Variants in DHX57 observed in about 807,000 individuals in gnomAD.
DHX57 encodes the protein putative ATP-dependent RNA helicase DHX57.
A neutral mutation model predicts 156.2 loss-of-function variants in DHX57; 105 were observed. The ratio of observed to expected loss-of-function variants is 0.67; its 90% CI spans 0.57 to 0.79. The LOEUF is 0.79. Ranked by LOEUF, DHX57 falls within the 30% of genes least tolerant of loss-of-function variation. The pLI is 0.00. For missense variants in DHX57, 1,847 were observed against 1,661.9 expected, an observed-to-expected ratio of 1.11 and a Z score of -1.94; for synonymous variants, 704 against 595.6, an observed-to-expected ratio of 1.18 and a Z score of -2.65.
chr2:38,812,803 G>T (rs1016172470), intron 21 of DHX57, among the ~76,000 whole-genome samples: 2 of 152,140 alleles, frequency 1.3e-5, no homozygotes, highest in African/African-American at 4.8e-5. Context: ...AAAGTGCTTG[G>T]ATTACAGGCG....
intron 14 of DHX57, among the ~76,000 whole-genome samples, chr2:38,827,607 A>G (rs1469442672): frequency 1.3e-5 from 2 of 149,380 alleles, no homozygotes; most frequent in African/African-American, 4.9e-5. Context: ...AGGCAATGAC[A>G]ATGATGTAAC....
At chr2:38,813,121 C>T (rs1020651313) in intron 21 of DHX57, among the ~76,000 whole-genome samples, 1 of 152,150 alleles carries the variant, frequency 6.6e-6, no homozygotes. Context: ...GTTGGGATTA[C>T]AGGCGTGAGC....
chr2:38,838,371 G>T (rs556849479), intron 12 of DHX57, among the ~76,000 whole-genome samples: 2 of 152,266 alleles, frequency 1.3e-5, no homozygotes, highest in Admixed American at 1.3e-4. Context: ...AAAGTGCTGG[G>T]ATTACAGCCA....
chr2:38,807,113 G>A (rs1258721296), intron 21 of DHX57, among the ~76,000 whole-genome samples: 1 of 151,290 alleles, frequency 6.6e-6, no homozygotes, highest in African/African-American at 2.4e-5. Flanking sequence ...AGAGTGCACT[G>A]GTGCGATCTC....
intron 9 of DHX57, among the ~76,000 whole-genome samples, chr2:38,849,988 T>C (rs899114110): frequency 2.3e-4 from 35 of 152,346 alleles, no homozygotes; most frequent in African/African-American, 8.2e-4. Flanking sequence ...ATCTTGCTTA[T>C]TGATGAGCTC....
intron 2 of DHX57, among the ~76,000 whole-genome samples, chr2:38,864,661 A>C (rs1664964606): frequency 6.6e-6 from 1 of 152,158 alleles, no homozygotes; most frequent in Admixed American, 6.5e-5. Flanking sequence ...CAGACATACT[A>C]TAAGGTCTAC....
intron 11 of DHX57, among the ~76,000 whole-genome samples, chr2:38,846,616 C>CAAA (rs11377588): frequency 1.8e-5 from 2 of 113,794 alleles, no homozygotes; most frequent in Non-Finnish European, 1.8e-5. Flanking sequence ...GACTCTATCT[C>CAAA]AAAAAAAAAA....
rs1353866125 is a variant in DHX57, at chr2:38,875,896, C to T, written c.-116G>A. 3.0e-5 allele frequency: 12 copies of T among 395,822 alleles called. No individual in the cohort carries two copies. In the East Asian group the frequency reaches 3.6e-4, roughly 12 times the overall value. The allele number at this position is 395,822 out of a possible 1,614,324, so 24.5% of individuals were successfully genotyped here. A position where few individuals can be genotyped will look rare whatever the true frequency, so the allele number is the denominator to read the frequency against. Reference sequence around the variant, plus strand: ...ACGATTCTCACTTGGAGCAGCCCTGCGGTGGCCCAGCTGCAGCGGCACAGT... The same window carrying T: ...ACGATTCTCACTTGGAGCAGCCCTGTGGTGGCCCAGCTGCAGCGGCACAGT... On this transcript the variant is annotated 5_prime_UTR_variant, in exon 1 of 24. Transcript: ENST00000457308.
At position 38,825,845 on chromosome 2, in the gene DHX57, A is replaced by G. The variant is rs1352710996; in HGVS notation, c.3014+2T>C. The G allele has an allele frequency of 6.2e-7, 1 of 1,614,132 alleles. No individual in the cohort carries two copies. Among genetic ancestry groups the G allele is most frequent in the Non-Finnish European group, 8.5e-7 (1 of 1,179,990 alleles). On this transcript the variant is annotated splice_donor_variant, in intron 16 of 23. Coordinates refer to ENST00000457308, the MANE Select transcript of DHX57 (RefSeq NM_198963.3). LOFTEE classifies it high-confidence loss of function. Reference sequence around the variant, plus strand: ...AGCAAAACACAAAAAACCAGATGTCACCTTAGACACAGCTGTTCCAATGGC... The same window carrying G: ...AGCAAAACACAAAAAACCAGATGTCGCCTTAGACACAGCTGTTCCAATGGC...
rs779605977 is a variant in DHX57, at chr2:38,858,773, T to G, written c.1475A>C (p.Glu492Ala). Residue 492 changes from glutamate (E) to alanine (A), a missense_variant, in exon 6 of 24, where the codon GAG (glutamate) becomes GCG (alanine). Coordinates refer to ENST00000457308, the MANE Select transcript of DHX57 (RefSeq NM_198963.3). ...EDDGPAPVIV[E>A]NESYVNLKKK... Reference sequence around the variant, plus strand: ...CTTAAGGTTCACATAGCTTTCATTCTCTACTATAACAGGTGCAGGACCGTC... The same window carrying G: ...CTTAAGGTTCACATAGCTTTCATTCGCTACTATAACAGGTGCAGGACCGTC... 3.7e-6 allele frequency: 6 copies of G among 1,614,162 alleles called. No homozygotes were observed. The highest frequency in any genetic ancestry group is 3.3e-4 in the Middle Eastern group (2 of 6,062).
At chr2:38,872,296 G>T (rs906644865) in intron 1 of DHX57, among the ~76,000 whole-genome samples, 1 of 152,102 alleles carries the variant, frequency 6.6e-6, no homozygotes, top group African/African-American at 2.4e-5. Flanking sequence ...GCAAATGAAA[G>T]CATAAAGTAA....
intron 1 of DHX57, among the ~76,000 whole-genome samples, chr2:38,870,221 C>T (rs1485346520): frequency 2.6e-5 from 4 of 151,876 alleles, no homozygotes; most frequent in African/African-American, 4.8e-5. Flanking sequence ...AAATGTGGGA[C>T]ACCATCAAGG....
At chr2:38,812,978 G>T (rs1299976766) in intron 21 of DHX57, among the ~76,000 whole-genome samples, 2 of 151,912 alleles carry the variant, frequency 1.3e-5, no homozygotes, top group Non-Finnish European at 2.9e-5. Context: ...CTCCTGAGTA[G>T]CTGGGATTAC....
In DHX57 at chr2:38,828,533, T is replaced by C. The variant is rs1020940021; in HGVS notation, c.2543-97A>G. The C allele has an allele frequency of 2.7e-5, 21 of 766,948 alleles. No homozygotes were observed. In the African/African-American group the frequency reaches 3.6e-4, roughly 13 times the overall value. The allele number at this position is 766,948 out of a possible 1,614,324, so 47.5% of individuals were successfully genotyped here. A position where few individuals can be genotyped will look rare whatever the true frequency, so the allele number is the denominator to read the frequency against. ...AAAAGAATATGATAAATGAAGTAAATGAAAAACTAATATAGATTATAAAGC... is the reference window on the plus strand; with the variant it reads ...AAAAGAATATGATAAATGAAGTAAACGAAAAACTAATATAGATTATAAAGC... On this transcript the variant is annotated intron_variant, in intron 13 of 23. Transcript: ENST00000457308.
At chr2:38,846,148 G>A (rs942282793) in intron 11 of DHX57, among the ~76,000 whole-genome samples, 4 of 152,112 alleles carry the variant, frequency 2.6e-5, no homozygotes, top group African/African-American at 9.7e-5. Flanking sequence ...TTACAGGTGT[G>A]AGCTACCACA....
intron 23 of DHX57, among the ~76,000 whole-genome samples, chr2:38,799,457 A>AAAAG (rs1669562081): frequency 6.8e-6 from 1 of 147,506 alleles, no homozygotes. Context: ...AAAAAAAAAA[A>AAAAG]GGGTGGTAGA....
chr2:38,862,091 A>C, intron 4 of DHX57, 54 bp downstream of exon 4: 1 of 1,528,282 alleles, frequency 6.5e-7, no homozygotes, highest in Non-Finnish European at 8.8e-7. Context: ...GGTTTATATG[A>C]TTTCGGTTTC....
chr2:38,821,344 A>C (rs1022806551), intron 17 of DHX57, among the ~76,000 whole-genome samples: 2 of 152,172 alleles, frequency 1.3e-5, no homozygotes, highest in Admixed American at 6.6e-5. Flanking sequence ...AAACAGAAGG[A>C]AGGAAAGAAT....
At chr2:38,825,055 T>C (rs1671022363) in intron 16 of DHX57, among the ~76,000 whole-genome samples, 1 of 152,118 alleles carries the variant, frequency 6.6e-6, no homozygotes. Flanking sequence ...AGAAAAAGAG[T>C]TCTCATTTTA....
Sources: gnomAD v4.1 joint callset for allele counts (sites outside exome capture counted in the v4.1 genomes callset) on GRCh38, gnomAD v4.1.1 for gene constraint, MANE v1.5 for transcripts, NCBI Gene and HGNC (gene_info 2026-07-23, HGNC 2026-07-21) for gene names.